The following PAM16 variants were observed in gnomAD, a reference collection of about 807,000 sequenced individuals.
The protein encoded by PAM16 is mitochondrial import inner membrane translocase subunit TIM16.
Under a neutral mutation model 17.9 loss-of-function variants are expected in PAM16, and 11 were observed. That is an observed-to-expected ratio of 0.62 (90% CI 0.39 to 1.02). The LOEUF (loss-of-function observed/expected upper bound fraction) is 1.02. Ranked by LOEUF, PAM16 falls within the 50% of genes least tolerant of loss-of-function variation. The probability of loss-of-function intolerance (pLI) is 0.01; values close to 1 mark genes in which losing one functional copy is unlikely to be tolerated. For synonymous variants in PAM16, 72 were observed against 67.4 expected (o/e 1.07, Z -0.34); for missense variants, 199 against 165.4 (o/e 1.20, Z -1.11).
At chr16:4,348,972 T>TGAGACG (rs2053802612) in intron 1 of PAM16, among the ~76,000 whole-genome samples, 1 of 125,468 alleles carries the variant, frequency 8.0e-6, no homozygotes, top group African/African-American at 3.3e-5. Context: ...TTTTTTTTTT[T>TGAGACG]GAGACGGAGT....
At chr16:4,344,253 T>A (rs2053700918) in intron 1 of PAM16, 1 of 68,234 alleles carries the variant, frequency 1.5e-5, no homozygotes, top group Non-Finnish European at 2.7e-5. Flanking sequence ...AGGAGGGGGT[T>A]CCGTGAGAGG....
chr16:4,346,050 G>C (rs965450506), intron 1 of PAM16: 3 of 871,808 alleles, frequency 3.4e-6, no homozygotes, highest in Non-Finnish European at 4.1e-6. Flanking sequence ...TCATAACTGG[G>C]GAGCTTCCCC....
At chr16:4,350,222 C>T (rs903364271) in intron 1 of PAM16, among the ~76,000 whole-genome samples, 2 of 151,498 alleles carry the variant, frequency 1.3e-5, no homozygotes, top group Admixed American at 1.3e-4. Context: ...TCAAGCGATA[C>T]TGGCGCCTCA....
At chr16:4,342,848 A>G (rs1038197401) in intron 2 of PAM16, among the ~76,000 whole-genome samples, 2 of 151,026 alleles carry the variant, frequency 1.3e-5, no homozygotes, top group African/African-American at 4.9e-5. Flanking sequence ...ATTCCCAGCT[A>G]CTCAGGAGGC....
At position 4,344,872 on chromosome 16, in the gene PAM16, C is replaced by T. The variant is rs951400024; in HGVS notation, c.4-1581G>A. 3.5e-5 allele frequency among the ~76,000 whole-genome samples: 5 copies of T among 141,684 alleles called. No homozygotes were observed. The Admixed American group carries it at 3.6e-4, about 10-fold the overall frequency. 93.0% of individuals were successfully genotyped at this position (141,684 alleles called of 152,430 possible). On this transcript the variant is annotated intron_variant, in intron 1 of 4. Coordinates refer to ENST00000318059, the MANE Select transcript of PAM16 (RefSeq NM_016069.11). Reference sequence around the variant, plus strand: ...GGGGTTCCGTGAGAGGAGGGGGTTCCTCCTGGGCTGGGCTTTGCAGGGTAG... The same window carrying T: ...GGGGTTCCGTGAGAGGAGGGGGTTCTTCCTGGGCTGGGCTTTGCAGGGTAG...
intron 1 of PAM16, chr16:4,350,889 T>G: frequency 4.3e-6 from 1 of 233,122 alleles, no homozygotes; most frequent in Non-Finnish European, 8.3e-6. Context: ...GGCAGCAACA[T>G]CGACTCTGCA....
chr16:4,341,544 C>T, intron 2 of PAM16, 40 bp from the exon 3 acceptor site: 13 of 1,569,252 alleles, frequency 8.3e-6, no homozygotes, highest in Non-Finnish European at 1.1e-5. Flanking sequence ...CCTCAGCAGC[C>T]CACACTTCAC....
chr16:4,349,388 G>A (rs935096501), intron 1 of PAM16, among the ~76,000 whole-genome samples: 2 of 152,152 alleles, frequency 1.3e-5, no homozygotes, highest in East Asian at 3.9e-4. Flanking sequence ...GCAACATGGC[G>A]AAACTGCATC....
chr16:4,348,853 C>T (rs1247543781), intron 1 of PAM16, among the ~76,000 whole-genome samples: 1 of 151,670 alleles, frequency 6.6e-6, no homozygotes, highest in African/African-American at 2.4e-5. Context: ...GAGAGGGTTT[C>T]ACCGTGTTGC....
chr16:4,348,813 G>A (rs2053799129), intron 1 of PAM16, among the ~76,000 whole-genome samples: 1 of 147,054 alleles, frequency 6.8e-6, no homozygotes, highest in Non-Finnish European at 1.5e-5. Flanking sequence ...ACGCTGCCAT[G>A]CCCGGCTAAT....
intron 4 of PAM16, among the ~76,000 whole-genome samples, chr16:4,340,667 A>C (rs1054917952): frequency 6.6e-6 from 1 of 152,138 alleles, no homozygotes; most frequent in Non-Finnish European, 1.5e-5. Context: ...GCTCCTTCGA[A>C]GTCCCAGCTG....
chr16:4,351,235 G>C lies in PAM16; in HGVS notation c.-1C>G. 1 of 1,467,200 alleles carries C rather than the reference G, an allele frequency of 6.8e-7. No individual in the cohort carries two copies. The highest frequency in any genetic ancestry group is 1.4e-5 in the South Asian group (1 of 70,494). 90.9% of individuals were successfully genotyped at this position (1,467,200 alleles called of 1,614,324 possible). ...TAGCGCCCGACTCGGGGCTCACCAT[G>C]GCAGCCGCTCTGCCTCCGGGGCTCA... is the stretch of plus-strand genomic sequence containing the variant. On this transcript the variant is annotated 5_prime_UTR_variant, in exon 1 of 5. Coordinates refer to ENST00000318059, the MANE Select transcript of PAM16 (RefSeq NM_016069.11).
chr16:4,349,400 C>G (rs1179583596), intron 1 of PAM16, among the ~76,000 whole-genome samples: 1 of 152,174 alleles, frequency 6.6e-6, no homozygotes, highest in African/African-American at 2.4e-5. Context: ...AACTGCATCT[C>G]TACAAAAAAT....
At chr16:4,341,225 G>A (rs541771339) in intron 3 of PAM16, 143 bp downstream of exon 3, 19 of 1,381,398 alleles carry the variant, frequency 1.4e-5, no homozygotes, top group Middle Eastern at 4.7e-4. Flanking sequence ...AACTTCACGA[G>A]CAACAGTGGC....
intron 1 of PAM16, chr16:4,344,061 G>C: frequency 2.5e-6 from 1 of 397,946 alleles, no homozygotes; most frequent in Non-Finnish European, 4.4e-6. Flanking sequence ...TCACACACCA[G>C]GCTGAACATG....
At position 4,340,275 on chromosome 16, in the gene PAM16, G is replaced by A; in HGVS notation, c.*44C>T. On this transcript the variant is annotated 3_prime_UTR_variant, in exon 5 of 5. Transcript: ENST00000318059. ...ATGCAGAAAAGAAATTTATTACCAA[G>A]CTATAAATTAGAGGCGGCGGGGTGG... 1 of 1,570,928 alleles carries A rather than the reference G, an allele frequency of 6.4e-7. No homozygotes were observed. The highest frequency in any genetic ancestry group is 8.7e-7 in the Non-Finnish European group (1 of 1,150,308).
chr16:4,346,246 C>T (rs1437222790), intron 1 of PAM16, among the ~76,000 whole-genome samples: 1 of 152,196 alleles, frequency 6.6e-6, no homozygotes, highest in Non-Finnish European at 1.5e-5. Context: ...GTTACACCTG[C>T]AGGCTTTGGG....
intron 1 of PAM16, chr16:4,345,892 G>C: frequency 5.1e-6 from 5 of 985,106 alleles, no homozygotes; most frequent in Non-Finnish European, 6.0e-6. Context: ...GGGTCCCCTC[G>C]GCTTGAAACA....
In PAM16 at chr16:4,343,721, C is replaced by G. The variant is rs577009521; in HGVS notation, c.4-430G>C. 21 of 453,512 alleles carry G rather than the reference C, an allele frequency of 4.6e-5. No homozygotes were observed. In the South Asian group the frequency reaches 1.6e-3, roughly 35 times the overall value. The allele number at this position is 453,512 out of a possible 1,614,324, so 28.1% of individuals were successfully genotyped here. The stretch of plus-strand genomic sequence containing the variant: ...GAGTTTCTGAGATCATCAGGCCCAA[C>G]CTTTACTTTACCAACGGGGAAACAG... On this transcript the variant is annotated intron_variant, in intron 1 of 4. Coordinates refer to ENST00000318059, the MANE Select transcript of PAM16 (RefSeq NM_016069.11).
Sources: allele counts gnomAD v4.1 joint callset (sites outside exome capture counted in the v4.1 genomes callset), GRCh38; gene constraint gnomAD v4.1.1; transcripts MANE v1.5; gene names NCBI Gene and HGNC (gene_info 2026-07-23, HGNC 2026-07-21).